The following GNB1 variants were observed in gnomAD, a reference collection of about 807,000 sequenced individuals.
The protein encoded by GNB1 is guanine nucleotide-binding protein G(I)/G(S)/G(T) subunit beta-1.
In GNB1, 2 loss-of-function variants were observed where a neutral mutation model predicts 42.9. The observed-to-expected ratio is 0.05, with a 90% CI of 0.02 to 0.15. The LOEUF (loss-of-function observed/expected upper bound fraction) is 0.15. Ranked by LOEUF, GNB1 falls within the 10% of genes least tolerant of loss-of-function variation. The pLI is 1.00. For missense variants in GNB1, 193 were observed against 462.2 expected (o/e 0.42, Z 5.34); for synonymous variants, 183 against 174.7 (o/e 1.05, Z -0.38).
intron 9 of GNB1, among the ~76,000 whole-genome samples, chr1:1,789,932 G>A (rs1389674152): frequency 6.6e-6 from 1 of 152,194 alleles, no homozygotes; most frequent in Non-Finnish European, 1.5e-5. Flanking sequence ...AGGGAAGCGG[G>A]CTGACCAAGG....
At chr1:1,829,093 A>C (rs1647040333) in intron 2 of GNB1, among the ~76,000 whole-genome samples, 1 of 152,114 alleles carries the variant, frequency 6.6e-6, no homozygotes, top group Non-Finnish European at 1.5e-5. Flanking sequence ...TTTCACTCTT[A>C]TCGCCCAGGC....
chr1:1,840,039 G>A (rs1031549192), intron 1 of GNB1, among the ~76,000 whole-genome samples: 5 of 143,802 alleles, frequency 3.5e-5, no homozygotes, highest in African/African-American at 5.0e-5. Context: ...TCTTGGCAGC[G>A]AACTAAAAAA....
intron 7 of GNB1, chr1:1,794,132 A>C (rs1183959398): frequency 6.6e-6 from 1 of 152,268 alleles, no homozygotes; most frequent in Non-Finnish European, 1.5e-5. Flanking sequence ...ATCAGAGGCG[A>C]GAGCAGGACA....
chr1:1,857,393 A>G (rs2101606954), intron 1 of GNB1, among the ~76,000 whole-genome samples: 1 of 152,234 alleles, frequency 6.6e-6, no homozygotes, highest in African/African-American at 2.4e-5. Context: ...GTCATCTTGT[A>G]CAGGGTTCAA....
intron 1 of GNB1, among the ~76,000 whole-genome samples, chr1:1,888,293 C>T (rs908505747): frequency 5.9e-5 from 9 of 151,484 alleles, no homozygotes; most frequent in Non-Finnish European, 1.3e-4. Context: ...CACACTGGGC[C>T]TGGGCAGTGC....
At chr1:1,865,686 GA>G (rs1648900375) in intron 1 of GNB1, among the ~76,000 whole-genome samples, 1 of 152,314 alleles carries the variant, frequency 6.6e-6, no homozygotes, top group East Asian at 1.9e-4. Context: ...CAAGGTCTAT[GA>G]AACAGGAGAC....
intron 1 of GNB1, among the ~76,000 whole-genome samples, chr1:1,884,463 T>C (rs1650035407): frequency 6.6e-6 from 1 of 152,012 alleles, no homozygotes; most frequent in African/African-American, 2.4e-5. Flanking sequence ...CCGCTCACCT[T>C]GGCCTCCCAA....
intron 2 of GNB1, among the ~76,000 whole-genome samples, chr1:1,827,290 C>T (rs1647012540): frequency 6.6e-6 from 1 of 152,228 alleles, no homozygotes; most frequent in Admixed American, 6.5e-5. Flanking sequence ...TGCCCCGTAA[C>T]ACGAGCACGC....
chr1:1,817,760 TC>T (rs1454697949), intron 4 of GNB1, 76 bp downstream of exon 4: 12 of 1,001,510 alleles, frequency 1.2e-5, no homozygotes, highest in Non-Finnish European at 1.6e-5. Flanking sequence ...AGCAGAGCCC[TC>T]CCGAGGCTCC....
intron 1 of GNB1, among the ~76,000 whole-genome samples, chr1:1,846,304 T>C (rs1433099787): frequency 1.3e-5 from 2 of 151,924 alleles, no homozygotes; most frequent in African/African-American, 4.8e-5. Flanking sequence ...CAGTGGCTCA[T>C]GTCTGTAATC....
chr1:1,844,925 T>C (rs1027676775), intron 1 of GNB1, among the ~76,000 whole-genome samples: 2 of 152,186 alleles, frequency 1.3e-5, no homozygotes, highest in African/African-American at 4.8e-5. Flanking sequence ...GCCTGGGGGC[T>C]TGTAAGAAAC....
chr1:1,886,677 G>C (rs183381904), intron 1 of GNB1, among the ~76,000 whole-genome samples: 48 of 152,262 alleles, frequency 3.2e-4, no homozygotes, highest in Non-Finnish European at 5.9e-4. Context: ...ATGCAAACCT[G>C]AAATCAGAAT....
At chr1:1,876,995 C>T (rs1319316858) in intron 1 of GNB1, among the ~76,000 whole-genome samples, 1 of 152,076 alleles carries the variant, frequency 6.6e-6, no homozygotes, top group Non-Finnish European at 1.5e-5. Context: ...AGAAAAATCA[C>T]AATTTTAAAA....
intron 7 of GNB1, among the ~76,000 whole-genome samples, chr1:1,796,836 CATAGGGACCACTGGCT>C (rs1280297081): frequency 6.6e-6 from 1 of 152,200 alleles, no homozygotes; most frequent in African/African-American, 2.4e-5. Flanking sequence ...TCCTGTGTCT[CATAGGGACCACTGGCT>C]ATAGGGACAA....
chr1:1,886,184 G>A (rs1650145745), intron 1 of GNB1, among the ~76,000 whole-genome samples: 1 of 152,004 alleles, frequency 6.6e-6, no homozygotes, highest in Admixed American at 6.5e-5. Flanking sequence ...CGGGCATGAC[G>A]GCGGGTGCCT....
rs1474574287 is a variant in GNB1 at position 1,789,105 on chromosome 1, C to T, written c.864G>A (p.Gly288=). 2 of 1,614,168 alleles carry T rather than the reference C, an allele frequency of 1.2e-6. No individual in the cohort carries two copies. Among genetic ancestry groups the T allele is most frequent in the South Asian group, 2.2e-5 (2 of 91,080 alleles). Residue 288 remains glycine, a synonymous_variant, in exon 10 of 12, where the codon GGG becomes GGA. Coordinates refer to ENST00000378609, the MANE Select transcript of GNB1 (RefSeq NM_002074.5). ...AGACGTTGCAGTTGAAGTCGTCGTA[C>T]CCAGCAAGGAGGAGGCGCCCGCTCT... ...FSKSGRLLLA[G]YDDFNCNVWD...
intron 7 of GNB1, among the ~76,000 whole-genome samples, chr1:1,801,512 C>G (rs1434255529): frequency 2.0e-5 from 3 of 152,154 alleles, no homozygotes; most frequent in African/African-American, 2.4e-5. Context: ...CTTACGTTTC[C>G]TATCAACTAG....
chr1:1,823,558 T>C (rs1433386544), intron 3 of GNB1, among the ~76,000 whole-genome samples: 1 of 152,192 alleles, frequency 6.6e-6, no homozygotes, highest in Non-Finnish European at 1.5e-5. Flanking sequence ...GGAGGGGACA[T>C]GTTAAACAAG....
chr1:1,810,009 G>A (rs1421135557), intron 5 of GNB1, among the ~76,000 whole-genome samples: 1 of 151,958 alleles, frequency 6.6e-6, no homozygotes, highest in Non-Finnish European at 1.5e-5. Context: ...GAGATAAGAG[G>A]ATTGGTTAAG....
Sources: allele counts gnomAD v4.1 joint callset (sites outside exome capture counted in the v4.1 genomes callset), GRCh38; gene constraint gnomAD v4.1.1; transcripts MANE v1.5; gene names NCBI Gene and HGNC (gene_info 2026-07-23, HGNC 2026-07-21).